Variants in SPATA6L observed in about 807,000 individuals in gnomAD.
The protein encoded by SPATA6L is spermatogenesis associated 6-like protein.
Under a neutral mutation model 49.2 loss-of-function variants are expected in SPATA6L, and 68 were observed. The observed-to-expected ratio is 1.38, with a 90% CI of 1.14 to 1.69. The LOEUF is 1.69. Ranked by LOEUF, SPATA6L falls within the 40% of genes most tolerant of loss-of-function variation. The probability of loss-of-function intolerance (pLI) is 0.00; values close to 1 mark genes in which losing one functional copy is unlikely to be tolerated. For missense variants in SPATA6L, 668 were observed against 464.3 expected (o/e 1.44, Z -4.03); for synonymous variants, 198 against 165.7 (o/e 1.19, Z -1.50).
In SPATA6L at chr9:4,618,849, T is replaced by C. The variant is rs1396347143; in HGVS notation, c.807+15A>G. ...TGGAAGTAAATCATTTTACAAATTCTACTTCTAAAATTACCTTTACGTTAG... is the reference window on the plus strand; with the variant it reads ...TGGAAGTAAATCATTTTACAAATTCCACTTCTAAAATTACCTTTACGTTAG... On this transcript the variant is annotated intron_variant, in intron 8 of 11. Coordinates refer to ENST00000682582, the MANE Select transcript of SPATA6L (RefSeq NM_001353486.2). 3.7e-6 allele frequency: 6 copies of C among 1,608,304 alleles called. No individual in the cohort carries two copies. The highest frequency in any genetic ancestry group is 5.1e-6 in the Non-Finnish European group (6 of 1,176,066).
At chr9:4,610,674 G>C (rs1826488071) in intron 9 of SPATA6L, among the ~76,000 whole-genome samples, 2 of 152,138 alleles carry the variant, frequency 1.3e-5, no homozygotes, top group Admixed American at 6.6e-5. Context: ...TTAAATGTTA[G>C]ACCTAAAACC....
At chr9:4,657,742 C>A (rs946272162) in intron 2 of SPATA6L, among the ~76,000 whole-genome samples, 1 of 151,976 alleles carries the variant, frequency 6.6e-6, no homozygotes, top group Non-Finnish European at 1.5e-5. Context: ...GTGGAAAGAC[C>A]CTAGTTAGAG....
At chr9:4,622,344 A>C (rs1829514695) in intron 7 of SPATA6L, 64 bp downstream of exon 7, 12 of 937,382 alleles carry the variant, frequency 1.3e-5, no homozygotes, top group South Asian at 9.7e-5. Context: ...AGAATGAAAG[A>C]GTATACTCAG....
chr9:4,641,874 G>A (rs938195968), intron 3 of SPATA6L, among the ~76,000 whole-genome samples: 1 of 152,156 alleles, frequency 6.6e-6, no homozygotes, highest in Non-Finnish European at 1.5e-5. Context: ...TTTGGCTCAG[G>A]TGACCTCCCC....
intron 1 of SPATA6L, chr9:4,664,727 C>T (rs1310104502): frequency 1.8e-5 from 3 of 167,042 alleles, no homozygotes; most frequent in African/African-American, 7.2e-5. Context: ...ATCTGCCATA[C>T]GGAGGTTCGG....
chr9:4,638,041 G>C (rs957476179), intron 3 of SPATA6L, among the ~76,000 whole-genome samples: 4 of 152,138 alleles, frequency 2.6e-5, no homozygotes, highest in African/African-American at 7.2e-5. Flanking sequence ...ATTTACACTA[G>C]TGAAGAAGAT....
chr9:4,640,581 T>G (rs748531961), intron 3 of SPATA6L, among the ~76,000 whole-genome samples: 1 of 151,962 alleles, frequency 6.6e-6, no homozygotes, highest in African/African-American at 2.4e-5. Flanking sequence ...AAAAAAAAAT[T>G]TTTGCTAGTA....
chr9:4,630,879 G>C (rs553055625), intron 4 of SPATA6L, among the ~76,000 whole-genome samples: 1 of 152,174 alleles, frequency 6.6e-6, no homozygotes, highest in Non-Finnish European at 1.5e-5. Flanking sequence ...TTACAGATGA[G>C]TAAACTAAGG....
intron 3 of SPATA6L, among the ~76,000 whole-genome samples, chr9:4,649,460 C>G (rs1203272223): frequency 6.6e-6 from 1 of 152,182 alleles, no homozygotes; most frequent in African/African-American, 2.4e-5. Flanking sequence ...CATCATAACT[C>G]TATGAGTCCA....
At chr9:4,642,173 A>C (rs1008707426) in intron 3 of SPATA6L, among the ~76,000 whole-genome samples, 1 of 152,200 alleles carries the variant, frequency 6.6e-6, no homozygotes, top group Non-Finnish European at 1.5e-5. Context: ...GAGATTACTT[A>C]GGTATTGAGT....
chr9:4,662,170 C>G lies in SPATA6L; in HGVS notation c.40-134G>C. The G allele has an allele frequency of 6.9e-7, 1 of 1,454,064 alleles. No individual in the cohort carries two copies. The highest frequency in any genetic ancestry group is 9.0e-7 in the Non-Finnish European group (1 of 1,105,772). The allele number at this position is 1,454,064 out of a possible 1,614,324, so 90.1% of individuals were successfully genotyped here. On this transcript the variant is annotated intron_variant, in intron 1 of 11. Coordinates refer to ENST00000682582, the MANE Select transcript of SPATA6L (RefSeq NM_001353486.2). The surrounding 1 kb of genome is among the most constrained non-coding windows in gnomAD (Gnocchi z 4.9). ...CATCACCTCACTCCCTCACCTGTAC[C>G]TCCCAACGCCAACATCCTCCCCTCT... is the stretch of plus-strand genomic sequence containing the variant.
At chr9:4,590,702 AG>A (rs1336453973) in intron 13 of SPATA6L, among the ~76,000 whole-genome samples, 3 of 152,206 alleles carry the variant, frequency 2.0e-5, no homozygotes, top group Non-Finnish European at 2.9e-5. Context: ...GGACAACTCC[AG>A]GATATTACCT....
chr9:4,594,687 GA>G (rs1822129114), downstream of SPATA6L, among the ~76,000 whole-genome samples: 1 of 152,144 alleles, frequency 6.6e-6, no homozygotes, highest in Non-Finnish European at 1.5e-5. Flanking sequence ...AGTGAACAGT[GA>G]TGCCTCTTTG....
At chr9:4,609,331 G>C (rs1826092175) in intron 9 of SPATA6L, among the ~76,000 whole-genome samples, 1 of 152,012 alleles carries the variant, frequency 6.6e-6, no homozygotes, top group African/African-American at 2.4e-5. Flanking sequence ...AAGCCTGGCA[G>C]AGACACAACC....
intron 5 of SPATA6L, chr9:4,625,823 G>A: frequency 3.9e-6 from 1 of 257,556 alleles, no homozygotes; most frequent in African/African-American, 2.2e-5. Context: ...ATAGGGGGAA[G>A]TTAGAAAGTG....
At chr9:4,638,628 G>C (rs957747522) in intron 3 of SPATA6L, among the ~76,000 whole-genome samples, 1 of 151,816 alleles carries the variant, frequency 6.6e-6, no homozygotes, top group Non-Finnish European at 1.5e-5. Context: ...TCCCACCCTT[G>C]TTGGCCAAAA....
chr9:4,644,691 A>T lies in SPATA6L; in HGVS notation c.227-9292T>A, dbSNP rs1413492572. On this transcript the variant is annotated intron_variant, in intron 3 of 11. Transcript: ENST00000682582. The stretch of plus-strand genomic sequence containing the variant: ...CTCTCTCTCTCTCTCTCTCTCACAC[A>T]CACACACACACACACACACACACAC... Among the ~76,000 whole-genome samples, 820 of 113,888 alleles carry T rather than the reference A, an allele frequency of 7.2e-3. 7 individuals carry two copies. The highest frequency in any genetic ancestry group is 0.029 in the African/African-American group (764 of 25,966). The allele number at this position is 113,888 out of a possible 152,430, so 74.7% of individuals were successfully genotyped here.
downstream of SPATA6L, among the ~76,000 whole-genome samples, chr9:4,596,094 G>A (rs1822232455): frequency 6.6e-6 from 1 of 152,194 alleles, no homozygotes; most frequent in Admixed American, 6.5e-5. Flanking sequence ...ATCCGAGTTT[G>A]CAACACCTTT....
rs1350662206 is a variant in SPATA6L at position 4,609,066 on chromosome 9, G to A, written c.996-3626C>T. 3.3e-5 allele frequency among the ~76,000 whole-genome samples: 5 copies of A among 150,790 alleles called. No homozygotes were observed. In the South Asian group the frequency reaches 6.2e-4, roughly 19 times the overall value. The stretch of plus-strand genomic sequence containing the variant: ...TCTAGAAGAAATGGATAAATTCCTC[G>A]ACACATACGCTCTCCCAAGACTAAA... On this transcript the variant is annotated intron_variant, in intron 9 of 11. Transcript: ENST00000682582.
Sources: gnomAD v4.1 joint callset for allele counts (sites outside exome capture counted in the v4.1 genomes callset) on GRCh38, gnomAD v4.1.1 for gene constraint, Gnocchi (gnomAD v3.1) non-coding constraint, MANE v1.5 for transcripts, NCBI Gene and HGNC (gene_info 2026-07-23, HGNC 2026-07-21) for gene names.